The following GRM8 variants were observed in gnomAD, a reference collection of about 807,000 sequenced individuals.
GRM8 encodes the protein glutamate metabotropic receptor 8, also known as metabotropic glutamate receptor 8.
Under a neutral mutation model 87.2 loss-of-function variants are expected in GRM8, and 47 were observed. That is an observed-to-expected ratio of 0.54 (90% confidence interval 0.43 to 0.69). GRM8 has a LOEUF of 0.69. Among genes scored for constraint, GRM8 ranks in the 30% least tolerant of loss-of-function variants. The pLI, the probability that GRM8 is intolerant of heterozygous loss-of-function variation, is 0.00. For synonymous variants in GRM8, 396 were observed against 404.5 expected, an observed-to-expected ratio of 0.98 and a Z score of 0.25; for missense variants, 1,019 against 1,139.2, an observed-to-expected ratio of 0.89 and a Z score of 1.52.
chr7:127,219,924 C>T (rs946680240), intron 2 of GRM8, among the ~76,000 whole-genome samples: 1 of 152,140 alleles, frequency 6.6e-6, no homozygotes, highest in African/African-American at 2.4e-5. Context: ...CTCAGCAATA[C>T]CTGAACTTTG....
intron 7 of GRM8, among the ~76,000 whole-genome samples, chr7:126,749,416 T>A (rs915612602): frequency 6.6e-6 from 1 of 151,974 alleles, no homozygotes; most frequent in Admixed American, 6.6e-5. Context: ...TTCTTAGCTA[T>A]GAAAGACAAG....
At position 126,693,953 on chromosome 7, in the gene GRM8, C is replaced by G. The variant is rs192011439; in HGVS notation, c.1357+75912G>C. Among the ~76,000 whole-genome samples, 439 of 151,784 alleles carry G rather than the reference C, an allele frequency of 2.9e-3. 2 individuals are homozygous for G. Among genetic ancestry groups the G allele is most frequent in the Middle Eastern group, 0.01 (3 of 290 alleles). On this transcript the variant is annotated intron_variant, in intron 7 of 10. Coordinates refer to ENST00000339582, the MANE Select transcript of GRM8 (RefSeq NM_000845.3). ...TTCTTTCATAAATTGTTGGAATATG[C>G]CCTTTGTAAATTGCTATTTTAAGAT...
chr7:126,575,323 T>C (rs1011476565), intron 8 of GRM8, among the ~76,000 whole-genome samples: 8 of 151,584 alleles, frequency 5.3e-5, no homozygotes, highest in Non-Finnish European at 7.4e-5. Flanking sequence ...CACCCCCAGA[T>C]GGAACTCTGT....
intron 2 of GRM8, chr7:127,219,690 C>T (rs1017696795): frequency 6.6e-6 from 1 of 152,222 alleles, no homozygotes; most frequent in African/African-American, 2.4e-5. Flanking sequence ...CCTGCCCAGG[C>T]CTAAAATTTT....
intron 7 of GRM8, among the ~76,000 whole-genome samples, chr7:126,698,678 A>G (rs1221364541): frequency 6.6e-6 from 1 of 152,176 alleles, no homozygotes; most frequent in African/African-American, 2.4e-5. Flanking sequence ...AACAACTGTC[A>G]TAAATGAATT....
At chr7:126,579,360 C>T (rs889756998) in intron 8 of GRM8, among the ~76,000 whole-genome samples, 5 of 152,144 alleles carry the variant, frequency 3.3e-5, no homozygotes, top group Non-Finnish European at 5.9e-5. Flanking sequence ...TTGAAGTTTT[C>T]AAAGTATTTT....
chr7:127,045,333 G>C (rs1377361463), intron 3 of GRM8, among the ~76,000 whole-genome samples: 1 of 145,182 alleles, frequency 6.9e-6, no homozygotes, highest in Non-Finnish European at 1.5e-5. Context: ...TCAGTAATTT[G>C]TAGGAGTCTT....
At chr7:127,100,609 A>C (rs1825144743) in intron 3 of GRM8, among the ~76,000 whole-genome samples, 1 of 152,206 alleles carries the variant, frequency 6.6e-6, no homozygotes, top group African/African-American at 2.4e-5. Context: ...GTGGAAGGCA[A>C]ATGAGGGACA....
intron 8 of GRM8, among the ~76,000 whole-genome samples, chr7:126,570,688 T>C (rs1412195262): frequency 6.6e-6 from 1 of 152,202 alleles, no homozygotes; most frequent in Non-Finnish European, 1.5e-5. Flanking sequence ...GAGCATTCTC[T>C]GGCATTCCCC....
intron 3 of GRM8, among the ~76,000 whole-genome samples, chr7:126,997,261 C>T (rs1232023077): frequency 6.6e-6 from 1 of 150,542 alleles, no homozygotes; most frequent in African/African-American, 2.4e-5. Context: ...ATAATGGAAA[C>T]ACAACATACC....
At chr7:126,627,697 A>G (rs942377451) in intron 7 of GRM8, among the ~76,000 whole-genome samples, 2 of 152,052 alleles carry the variant, frequency 1.3e-5, no homozygotes, top group Non-Finnish European at 2.9e-5. Flanking sequence ...TGCACTTTTC[A>G]TCAGTTTAAG....
intron 2 of GRM8, among the ~76,000 whole-genome samples, chr7:127,146,134 T>TTGAAG (rs1828541150): frequency 6.6e-6 from 1 of 152,030 alleles, no homozygotes; most frequent in Admixed American, 6.6e-5. Flanking sequence ...TAAGTCAGAT[T>TTGAAG]TGAAGTTTAA....
intron 8 of GRM8, among the ~76,000 whole-genome samples, chr7:126,593,339 A>C (rs1796868575): frequency 6.6e-6 from 1 of 152,042 alleles, no homozygotes; most frequent in Admixed American, 6.6e-5. Context: ...GCATCATGTT[A>C]CCTAACTTTA....
Position 126,794,277 on chromosome 7 carries a change from C to T in GRM8, c.1157-24212G>A, listed in dbSNP as rs2151685079. Reference sequence around the variant, plus strand: ...ATTAACCTTGTGGAATGCATTCTCACAGCCATTTTGCTCAGCAGGAGCTTA... The same window carrying T: ...ATTAACCTTGTGGAATGCATTCTCATAGCCATTTTGCTCAGCAGGAGCTTA... On this transcript the variant is annotated intron_variant, in intron 6 of 10. Transcript: ENST00000339582. Among the ~76,000 whole-genome samples the T allele has an allele frequency of 2.0e-5, 3 of 152,262 alleles. 1 individual carries two copies. The Middle Eastern group carries it at 0.01, about 518-fold the overall frequency.
rs572668720 is a variant in GRM8 at position 126,710,152 on chromosome 7, G to A, written c.1357+59713C>T. Among the ~76,000 whole-genome samples the A allele has an allele frequency of 3.3e-3, 501 of 152,276 alleles. 7 individuals carry two copies. The highest frequency in any genetic ancestry group is 0.011 in the African/African-American group (472 of 41,560). On this transcript the variant is annotated intron_variant, in intron 7 of 10. Coordinates refer to ENST00000339582, the MANE Select transcript of GRM8 (RefSeq NM_000845.3). ...TTAAAAATATTTTATTGCTTAAAAT[G>A]CTAATTATCATCTGAGGCTTCAGCA...
In GRM8 at chr7:126,763,472, T is replaced by TATATAC. The variant is rs1479649712; in HGVS notation, c.1357+6392_1357+6393insGTATAT. The stretch of plus-strand genomic sequence containing the variant: ...ATATATATATATATATATATATATA[T>TATATAC]ACACACACACACACACACACACACA... On this transcript the variant is annotated intron_variant, in intron 7 of 10. Coordinates refer to ENST00000339582, the MANE Select transcript of GRM8 (RefSeq NM_000845.3). Among the ~76,000 whole-genome samples the TATATAC allele has an allele frequency of 5.4e-3, 425 of 78,312 alleles. 3 individuals carry two copies. The highest frequency in any genetic ancestry group is 0.026 in the Middle Eastern group (2 of 76). 51.4% of individuals were successfully genotyped at this position (78,312 alleles called of 152,430 possible). A position where few individuals can be genotyped will look rare whatever the true frequency, so the allele number is the denominator to read the frequency against.
chr7:126,939,675 T>C (rs907273599), intron 3 of GRM8, among the ~76,000 whole-genome samples: 1 of 152,236 alleles, frequency 6.6e-6, no homozygotes, highest in African/African-American at 2.4e-5. Flanking sequence ...TGTCTCATCA[T>C]ACTGATGGCC....
intron 2 of GRM8, among the ~76,000 whole-genome samples, chr7:127,146,859 A>C (rs1472578704): frequency 6.6e-6 from 1 of 152,018 alleles, no homozygotes; most frequent in Non-Finnish European, 1.5e-5. Flanking sequence ...TCTTGAGAGG[A>C]TCTTCCATGA....
At chr7:126,717,230 G>A (rs1178042162) in intron 7 of GRM8, among the ~76,000 whole-genome samples, 4 of 152,190 alleles carry the variant, frequency 2.6e-5, no homozygotes, top group Admixed American at 6.5e-5. Context: ...GGAAGAGAGA[G>A]AAAGTATGGA....
Sources: allele counts gnomAD v4.1 joint callset (sites outside exome capture counted in the v4.1 genomes callset), GRCh38; gene constraint gnomAD v4.1.1; transcripts MANE v1.5; gene names NCBI Gene and HGNC (gene_info 2026-07-23, HGNC 2026-07-21).